The following KCNN2 variants were observed in gnomAD, a reference collection of about 807,000 sequenced individuals.
KCNN2 encodes the protein small conductance calcium-activated potassium channel protein 2.
KCNN2 carries 24 observed loss-of-function variants against 55.5 expected under a neutral mutation model. That is an observed-to-expected ratio of 0.43 (90% CI 0.31 to 0.61). The LOEUF is 0.61. Among genes scored for constraint, KCNN2 ranks in the 20% least tolerant of loss-of-function variants. The pLI is 0.08. For synonymous variants in KCNN2, 431 were observed against 336.1 expected (o/e 1.28, Z -3.09); for missense variants, 754 against 853.6 (o/e 0.88, Z 1.45).
At chr5:114,103,951 G>A (rs1751426345) in intron 1 of KCNN2, among the ~76,000 whole-genome samples, 1 of 152,118 alleles carries the variant, frequency 6.6e-6, no homozygotes, top group African/African-American at 2.4e-5. Context: ...AAAAGAGTTA[G>A]GGAGGAGTCC....
intron 1 of KCNN2, among the ~76,000 whole-genome samples, chr5:114,123,423 C>T (rs1475354404): frequency 3.6e-5 from 2 of 55,916 alleles, no homozygotes; most frequent in African/African-American, 1.2e-4. Flanking sequence ...AGTGCAGTGG[C>T]GCGATCTCGG....
At chr5:114,060,167 C>T (rs1324440248) in intron 1 of KCNN2, among the ~76,000 whole-genome samples, 1 of 152,240 alleles carries the variant, frequency 6.6e-6, no homozygotes, top group African/African-American at 2.4e-5. Flanking sequence ...AGCACTTAGC[C>T]TGCATGTGGG....
At chr5:114,073,505 G>A (rs1750620322) in intron 1 of KCNN2, among the ~76,000 whole-genome samples, 1 of 152,132 alleles carries the variant, frequency 6.6e-6, no homozygotes, top group Non-Finnish European at 1.5e-5. Flanking sequence ...CTGGTTCAGT[G>A]TGAATTCAAA....
intron 1 of KCNN2, among the ~76,000 whole-genome samples, chr5:114,099,742 T>A (rs754200343): frequency 4.3e-4 from 65 of 152,154 alleles, no homozygotes; most frequent in Non-Finnish European, 7.5e-4. Context: ...TCTTCAGATA[T>A]AGTAGCCCTA....
At chr5:114,486,835 G>A (rs1299512525) in intron 5 of KCNN2, 6 of 1,219,568 alleles carry the variant, frequency 4.9e-6, no homozygotes, top group Non-Finnish European at 3.4e-6. Flanking sequence ...AAAGAAAGTG[G>A]TAGTATCTCC....
chr5:114,077,048 TA>T (rs201474996), intron 1 of KCNN2, among the ~76,000 whole-genome samples: 4,058 of 152,350 alleles, frequency 0.027, 184 homozygotes, highest in African/African-American at 0.092. Flanking sequence ...GAATTACCCT[TA>T]GAAAATAATT....
Position 114,362,322 on chromosome 5 carries a change from C to T in KCNN2, c.183C>T (p.Gly61=). The change falls in exon 1 of 8, where the codon GGC becomes GGT. Residue 61 remains glycine (G), a synonymous_variant. Transcript: ENST00000673685. ...TCGCGCACCAGCAGCCGGCCAGCGGCGGCAGCAGCCCATGCCTCCGGTGCA... is the reference window on the plus strand; with the variant it reads ...TCGCGCACCAGCAGCCGGCCAGCGGTGGCAGCAGCCCATGCCTCCGGTGCA... The part of the protein sequence containing the change: ...PHLAHQQPAS[G]GSSPCLRCNS... The T allele has an allele frequency of 5.4e-6, 1 of 185,398 alleles. No individual in the cohort carries two copies. The highest frequency in any genetic ancestry group is 1.1e-5 in the Non-Finnish European group (1 of 90,924). The allele number at this position is 185,398 out of a possible 1,614,324, so 11.5% of individuals were successfully genotyped here.
intron 2 of KCNN2, among the ~76,000 whole-genome samples, chr5:114,281,621 ATC>A (rs201881402): frequency 2.1e-5 from 2 of 94,180 alleles, no homozygotes; most frequent in African/African-American, 3.7e-5. Context: ...CCGCCCCTCC[ATC>A]TCTGTGTGTG....
At chr5:114,245,049 G>T (rs1580656054) in intron 2 of KCNN2, among the ~76,000 whole-genome samples, 1 of 152,116 alleles carries the variant, frequency 6.6e-6, no homozygotes, top group Non-Finnish European at 1.5e-5. Context: ...TGTTTAAAAA[G>T]AATTGTCAAT....
At chr5:114,351,113 G>C (rs1218291273) in intron 2 of KCNN2, among the ~76,000 whole-genome samples, 1 of 151,614 alleles carries the variant, frequency 6.6e-6, no homozygotes, top group African/African-American at 2.4e-5. Context: ...ATTAATTTGT[G>C]CATTCTTTAA....
chr5:114,363,357 T>A (rs1028390953), intron 1 of KCNN2, 96 bp downstream of exon 1: 8 of 1,392,344 alleles, frequency 5.7e-6, no homozygotes, highest in Admixed American at 2.8e-5. Flanking sequence ...ATCCCTAGCC[T>A]CTCCGGGACG....
chr5:114,208,605 C>T (rs577810497), intron 1 of KCNN2, among the ~76,000 whole-genome samples: 1 of 152,224 alleles, frequency 6.6e-6, no homozygotes, highest in East Asian at 1.9e-4. Flanking sequence ...GAGACCCCAC[C>T]TTTGGCTAAT....
intron 2 of KCNN2, among the ~76,000 whole-genome samples, chr5:114,314,326 T>C (rs771795176): frequency 1.3e-5 from 2 of 152,150 alleles, no homozygotes; most frequent in Admixed American, 6.6e-5. Flanking sequence ...TGATGCACTT[T>C]TGTTAACTAA....
chr5:114,428,590 A>AT (rs1759696544), intron 3 of KCNN2, among the ~76,000 whole-genome samples: 1 of 152,134 alleles, frequency 6.6e-6, no homozygotes, highest in African/African-American at 2.4e-5. Flanking sequence ...TTTTAATACT[A>AT]ATGTCTTTGT....
At chr5:114,119,286 G>T (rs1751780332) in intron 1 of KCNN2, among the ~76,000 whole-genome samples, 1 of 152,290 alleles carries the variant, frequency 6.6e-6, no homozygotes, top group South Asian at 2.1e-4. Flanking sequence ...CATAGAGGGA[G>T]AGCATGTTCA....
chr5:114,465,407 G>A (rs1761396993), intron 4 of KCNN2, among the ~76,000 whole-genome samples: 2 of 152,162 alleles, frequency 1.3e-5, no homozygotes, highest in South Asian at 2.1e-4. Context: ...GAGGTTGGGA[G>A]TTCGAGACCA....
At chr5:114,409,556 A>G (rs1055984344) in intron 3 of KCNN2, among the ~76,000 whole-genome samples, 1 of 152,174 alleles carries the variant, frequency 6.6e-6, no homozygotes, top group Non-Finnish European at 1.5e-5. Flanking sequence ...TCTCCATGTA[A>G]AAAGGGGAGA....
intron 2 of KCNN2, among the ~76,000 whole-genome samples, chr5:114,252,185 T>C (rs1754878573): frequency 6.6e-6 from 1 of 152,154 alleles, no homozygotes; most frequent in Admixed American, 6.5e-5. Flanking sequence ...GGCCTAGTTT[T>C]TCTGTTTCTT....
At chr5:114,292,920 T>G (rs1390431079) in intron 2 of KCNN2, among the ~76,000 whole-genome samples, 1 of 152,208 alleles carries the variant, frequency 6.6e-6, no homozygotes, top group African/African-American at 2.4e-5. Flanking sequence ...CCTTGTAAGT[T>G]GGATTCCTAG....
Sources: allele counts gnomAD v4.1 joint callset (sites outside exome capture counted in the v4.1 genomes callset), GRCh38; gene constraint gnomAD v4.1.1; transcripts MANE v1.5; gene names NCBI Gene and HGNC (gene_info 2026-07-23, HGNC 2026-07-21).